Variants in INTS12 observed in about 807,000 individuals in gnomAD.
The protein encoded by INTS12 is PHD finger protein 22.
INTS12 carries 13 observed loss-of-function variants against 41.6 expected under a neutral mutation model. The observed-to-expected ratio is 0.31, with a 90% CI of 0.20 to 0.50. The LOEUF (loss-of-function observed/expected upper bound fraction) is 0.50. Ranked by LOEUF, INTS12 falls within the 20% of genes least tolerant of loss-of-function variation. INTS12 has a pLI of 0.98. For missense variants in INTS12, 432 were observed against 541.6 expected, an observed-to-expected ratio of 0.80 and a Z score of 2.01; for synonymous variants, 199 against 191.4, an observed-to-expected ratio of 1.04 and a Z score of -0.33.
intron 7 of INTS12, among the ~76,000 whole-genome samples, chr4:105,683,722 T>C (rs1008527101): frequency 6.6e-6 from 1 of 152,154 alleles, no homozygotes; most frequent in Non-Finnish European, 1.5e-5. Flanking sequence ...AAAAATTTAA[T>C]TCACTCTTAA....
In INTS12 at chr4:105,693,295, T is replaced by TTACCTACA. The variant is rs778674232; in HGVS notation, c.493_497+3dup. ...AAAAGAATCTGTGGCAAGGTACAAC[T>TTACCTACA]TACCTACAAACAACGCAGGCCAATC... On this transcript the variant is annotated splice_donor_region_variant and intron_variant, in intron 5 of 7. Transcript: ENST00000340139. 1.1e-5 allele frequency: 17 copies of TTACCTACA among 1,580,104 alleles called. No homozygotes were observed. The Admixed American group carries it at 2.9e-4, about 27-fold the overall frequency.
At chr4:105,699,466 T>A (rs1004822697) in intron 3 of INTS12, among the ~76,000 whole-genome samples, 1 of 152,232 alleles carries the variant, frequency 6.6e-6, no homozygotes, top group African/African-American at 2.4e-5. Context: ...CAATTTATTT[T>A]GTTGAAAGAT....
At chr4:105,683,440 C>T (rs768933032) in intron 7 of INTS12, 123 bp from the exon 8 acceptor site, 68 of 761,286 alleles carry the variant, frequency 8.9e-5, no homozygotes, top group Middle Eastern at 3.7e-4. Flanking sequence ...TGAAGCTGAT[C>T]TGAAAAACCA....
rs1401261535 is a variant in INTS12 at position 105,692,061 on chromosome 4, T to C, written c.572A>G (p.His191Arg). 2 of 1,610,444 alleles carry C rather than the reference T, an allele frequency of 1.2e-6. No individual in the cohort carries two copies. The highest frequency in any genetic ancestry group is 2.7e-5 in the African/African-American group (2 of 74,774). Residue 191 changes from histidine (H) to arginine (R), a missense_variant, in exon 6 of 8, where the codon CAT (histidine) becomes CGT (arginine). His to Arg is a conservative substitution (Grantham distance 29, BLOSUM62 0). Coordinates refer to ENST00000340139, the MANE Select transcript of INTS12 (RefSeq NM_020395.4). The part of the protein sequence containing the change: ...ECHNLYHRDC[H>R]KPQVTDKEAN... Reference sequence around the variant, plus strand: ...TTCCTTGTCTGTCACCTGGGGTTTATGACAATCTCGGTGGTAGAGATTATG... The same window carrying C: ...TTCCTTGTCTGTCACCTGGGGTTTACGACAATCTCGGTGGTAGAGATTATG...
In INTS12 at chr4:105,707,834, G is replaced by T. The variant is rs1037703537; in HGVS notation, c.-172+804C>A. 2.5e-5 allele frequency: 10 copies of T among 402,854 alleles called. No homozygotes were observed. The East Asian group carries it at 1.3e-3, about 51-fold the overall frequency. The allele number at this position is 402,854 out of a possible 1,614,324, so 25.0% of individuals were successfully genotyped here. A position where few individuals can be genotyped will look rare whatever the true frequency, so the allele number is the denominator to read the frequency against. On this transcript the variant is annotated intron_variant, in intron 1 of 7. Coordinates refer to ENST00000340139, the MANE Select transcript of INTS12 (RefSeq NM_020395.4). ...TTTTGCGTAAATGTCACCTTATAAGGCTTCTGTGATCTCTCCAGTCTAAAT... is the reference window on the plus strand; with the variant it reads ...TTTTGCGTAAATGTCACCTTATAAGTCTTCTGTGATCTCTCCAGTCTAAAT...
At chr4:105,704,939 A>T (rs1046569355) in intron 1 of INTS12, among the ~76,000 whole-genome samples, 8 of 152,172 alleles carry the variant, frequency 5.3e-5, no homozygotes, top group Admixed American at 6.5e-5. Flanking sequence ...GCAAAAGCTT[A>T]ATCAGTCTCC....
chr4:105,707,608 C>G (rs993775979), intron 1 of INTS12, among the ~76,000 whole-genome samples: 2 of 152,154 alleles, frequency 1.3e-5, no homozygotes, highest in African/African-American at 2.4e-5. Flanking sequence ...AAGCAATCAC[C>G]TCTTTCACGA....
At chr4:105,683,361 C>A (rs779738992) in intron 7 of INTS12, 44 bp from the exon 8 acceptor site, 1 of 1,376,722 alleles carries the variant, frequency 7.3e-7, no homozygotes, top group Non-Finnish European at 9.9e-7. Context: ...CAAGTTTAAT[C>A]AGTACCTGTA....
chr4:105,708,455 A>G, intron 1 of INTS12, 183 bp downstream of exon 1: 6 of 985,442 alleles, frequency 6.1e-6, no homozygotes, highest in Non-Finnish European at 7.2e-6. Flanking sequence ...CCCTCGGAGG[A>G]AGCACAGTCC....
chr4:105,700,034 A>C lies in INTS12; in HGVS notation c.-9-20T>G. The stretch of plus-strand genomic sequence containing the variant: ...AAACGCCTGAAGGAAAAAAAGAGAA[A>C]GTAATCTAGAAGACAATGCACAATT... On this transcript the variant is annotated intron_variant, in intron 2 of 7. Transcript: ENST00000340139. The C allele has an allele frequency of 6.9e-7, 1 of 1,445,578 alleles. No individual in the cohort carries two copies. Among genetic ancestry groups the C allele is most frequent in the Non-Finnish European group, 9.2e-7 (1 of 1,081,596 alleles). The allele number at this position is 1,445,578 out of a possible 1,614,324, so 89.5% of individuals were successfully genotyped here. A position where few individuals can be genotyped will look rare whatever the true frequency, so the allele number is the denominator to read the frequency against.
Position 105,683,063 on chromosome 4 carries a change from G to A in INTS12, c.1059C>T (p.Ser353=), listed in dbSNP as rs773809344. ...GIGSKIGSNN[S]TTPTVPLKPP... is the part of the protein sequence containing the mutation. ...GTTTTAAAGGTACAGTGGGCGTAGT[G>A]CTGTTATTGGAACCTATTTTGGAAC... Residue 353 remains serine, a synonymous_variant, in exon 8 of 8, where the codon AGC becomes AGT. Coordinates refer to ENST00000340139, the MANE Select transcript of INTS12 (RefSeq NM_020395.4). 3 of 1,613,978 alleles carry A rather than the reference G, an allele frequency of 1.9e-6. No individual in the cohort carries two copies. In the African/African-American group the frequency reaches 4.0e-5, roughly 22 times the overall value.
intron 1 of INTS12, chr4:105,708,193 C>G: frequency 2.0e-6 from 2 of 985,388 alleles, no homozygotes; most frequent in Non-Finnish European, 2.4e-6. Context: ...GCTCCGATTC[C>G]AAACCAATCA....
chr4:105,698,652 T>C (rs1207730451), intron 3 of INTS12, among the ~76,000 whole-genome samples: 1 of 152,200 alleles, frequency 6.6e-6, no homozygotes, highest in Non-Finnish European at 1.5e-5. Context: ...CCATATTGAT[T>C]TGGTCGATCT....
intron 6 of INTS12, among the ~76,000 whole-genome samples, chr4:105,687,603 T>C (rs1243845481): frequency 6.6e-6 from 1 of 152,226 alleles, no homozygotes; most frequent in Non-Finnish European, 1.5e-5. Context: ...AATGGTTATG[T>C]GCCATGTTTA....
chr4:105,699,583 C>A (rs1352623593), intron 3 of INTS12, among the ~76,000 whole-genome samples: 1 of 151,848 alleles, frequency 6.6e-6, no homozygotes, highest in Non-Finnish European at 1.5e-5. Context: ...CACAAAGAAT[C>A]GGAAATTAAA....
Position 105,686,682 on chromosome 4 carries a change from T to C in INTS12, c.804+10A>G, listed in dbSNP as rs1731508546. On this transcript the variant is annotated intron_variant, in intron 7 of 7. Transcript: ENST00000340139. ...GATATAATCTTAGATAAAAATAGAA[T>C]CTACTATACCTTGACTTCTGTTCTC... is the stretch of plus-strand genomic sequence containing the variant. 1 of 1,572,196 alleles carries C rather than the reference T, an allele frequency of 6.4e-7. No individual in the cohort carries two copies. The highest frequency in any genetic ancestry group is 1.4e-5 in the African/African-American group (1 of 72,572).
chr4:105,689,551 C>T (rs1403170116), intron 6 of INTS12, among the ~76,000 whole-genome samples: 1 of 152,114 alleles, frequency 6.6e-6, no homozygotes, highest in Non-Finnish European at 1.5e-5. Flanking sequence ...CCATGACTCC[C>T]CATTTAGTAC....
intron 7 of INTS12, among the ~76,000 whole-genome samples, chr4:105,685,178 A>G (rs1731459311): frequency 6.6e-6 from 1 of 152,108 alleles, no homozygotes; most frequent in Non-Finnish European, 1.5e-5. Flanking sequence ...ATTTTTTTAT[A>G]GTATAAATTT....
At chr4:105,704,662 A>G (rs1732202558) in intron 1 of INTS12, among the ~76,000 whole-genome samples, 3 of 152,140 alleles carry the variant, frequency 2.0e-5, no homozygotes, top group Admixed American at 2.0e-4. Context: ...GGTGCCTCCT[A>G]TGCAACGTGT....
Sources: gnomAD v4.1 joint callset for allele counts (sites outside exome capture counted in the v4.1 genomes callset) on GRCh38, gnomAD v4.1.1 for gene constraint, MANE v1.5 for transcripts, NCBI Gene and HGNC (gene_info 2026-07-23, HGNC 2026-07-21) for gene names.